Variants in MLLT3 observed in about 807,000 individuals in gnomAD.
MLLT3 encodes protein AF-9.
Under a neutral mutation model 53.2 loss-of-function variants are expected in MLLT3, and 4 were observed. The ratio of observed to expected loss-of-function variants is 0.08; its 90% CI spans 0.04 to 0.17. The LOEUF (loss-of-function observed/expected upper bound fraction) is 0.17. MLLT3 is among the 10% of genes least tolerant of loss of function. MLLT3 has a pLI of 1.00. For missense variants in MLLT3, 569 were observed against 684.0 expected (o/e 0.83, Z 1.87); for synonymous variants, 283 against 230.6 (o/e 1.23, Z -2.06).
intron 2 of MLLT3, among the ~76,000 whole-genome samples, chr9:20,570,346 C>A (rs555951715): frequency 6.6e-6 from 1 of 152,278 alleles, no homozygotes; most frequent in Non-Finnish European, 1.5e-5. Flanking sequence ...TAAACAACAA[C>A]AGCAGAGTCA....
intron 2 of MLLT3, among the ~76,000 whole-genome samples, chr9:20,469,295 G>A (rs907499771): frequency 6.6e-6 from 1 of 152,070 alleles, no homozygotes; most frequent in East Asian, 1.9e-4. Context: ...GAAATATCAT[G>A]CCTTTAAAAT....
intron 2 of MLLT3, among the ~76,000 whole-genome samples, chr9:20,501,261 T>G (rs1420209546): frequency 6.6e-6 from 1 of 152,152 alleles, no homozygotes; most frequent in African/African-American, 2.4e-5. Context: ...GAAAATAAAT[T>G]CCACACAATA....
intron 2 of MLLT3, among the ~76,000 whole-genome samples, chr9:20,537,135 T>TA (rs906878453): frequency 6.6e-6 from 1 of 152,216 alleles, no homozygotes; most frequent in Non-Finnish European, 1.5e-5. Flanking sequence ...CATATACACT[T>TA]ACCTTTCTCT....
At position 20,622,413 on chromosome 9, in the gene MLLT3, CGCTT is replaced by C. The variant is rs1173493065; in HGVS notation, c.-161_-158del. 3 of 655,720 alleles carry C rather than the reference CGCTT, an allele frequency of 4.6e-6. No individual in the cohort carries two copies. In the African/African-American group the frequency reaches 5.6e-5, roughly 12 times the overall value. The allele number at this position is 655,720 out of a possible 1,614,324, so 40.6% of individuals were successfully genotyped here. A position where few individuals can be genotyped will look rare whatever the true frequency, so the allele number is the denominator to read the frequency against. On this transcript the variant is annotated 5_prime_UTR_variant, in exon 1 of 11. Coordinates refer to ENST00000380338, the MANE Select transcript of MLLT3 (RefSeq NM_004529.4). ...TTCTCTGCCTTTTTCCCCCCGCGCT[CGCTT>C]GCTCGCTCGCTCGCTTATTAAACTC... is the stretch of plus-strand genomic sequence containing the variant.
intron 2 of MLLT3, among the ~76,000 whole-genome samples, chr9:20,503,812 G>A (rs1372915818): frequency 6.6e-6 from 1 of 152,072 alleles, no homozygotes; most frequent in Non-Finnish European, 1.5e-5. Context: ...TCTGATAAAA[G>A]ACTAATATCC....
chr9:20,388,340 G>C (rs549982974), intron 5 of MLLT3, among the ~76,000 whole-genome samples: 23 of 152,176 alleles, frequency 1.5e-4, no homozygotes, highest in Non-Finnish European at 2.5e-4. Context: ...TGTAGTCCCA[G>C]AACTTTAGGA....
chr9:20,577,687 G>C (rs187680269), intron 2 of MLLT3, among the ~76,000 whole-genome samples: 2 of 152,130 alleles, frequency 1.3e-5, no homozygotes, highest in African/African-American at 4.8e-5. Flanking sequence ...TGACAGATTC[G>C]AAAGGTAGAA....
At chr9:20,534,650 G>A (rs1157327098) in intron 2 of MLLT3, among the ~76,000 whole-genome samples, 3 of 152,156 alleles carry the variant, frequency 2.0e-5, no homozygotes, top group South Asian at 4.1e-4. Flanking sequence ...ACTTTGGGAC[G>A]CCAAGGCGGG....
chr9:20,511,205 A>G (rs981682826), intron 2 of MLLT3, among the ~76,000 whole-genome samples: 7 of 152,190 alleles, frequency 4.6e-5, no homozygotes, highest in Admixed American at 3.9e-4. Flanking sequence ...AAGGATGCTT[A>G]TTAATTTCTG....
At chr9:20,393,679 T>C (rs1015701647) in intron 5 of MLLT3, among the ~76,000 whole-genome samples, 1 of 152,230 alleles carries the variant, frequency 6.6e-6, no homozygotes, top group Non-Finnish European at 1.5e-5. Flanking sequence ...ATAACCACTT[T>C]TTATTGCGTG....
chr9:20,350,292 A>G (rs1361333926), intron 10 of MLLT3, among the ~76,000 whole-genome samples: 1 of 152,178 alleles, frequency 6.6e-6, no homozygotes, highest in Non-Finnish European at 1.5e-5. Flanking sequence ...AGATAGAGTG[A>G]CTGCAGATAA....
chr9:20,514,065 G>C (rs1054630617), intron 2 of MLLT3, among the ~76,000 whole-genome samples: 4 of 152,208 alleles, frequency 2.6e-5, no homozygotes, highest in African/African-American at 7.2e-5. Flanking sequence ...CCCCTAGGGA[G>C]TAAGGGGTTG....
intron 5 of MLLT3, among the ~76,000 whole-genome samples, chr9:20,406,093 C>A (rs1423883847): frequency 6.6e-6 from 1 of 151,726 alleles, no homozygotes; most frequent in South Asian, 2.1e-4. Flanking sequence ...GCCTGGATAA[C>A]AGAGTGAGAC....
intron 5 of MLLT3, among the ~76,000 whole-genome samples, chr9:20,395,914 G>A (rs998669229): frequency 6.6e-6 from 1 of 152,078 alleles, no homozygotes; most frequent in Non-Finnish European, 1.5e-5. Flanking sequence ...GGAAACCATC[G>A]GTAACAACTG....
chr9:20,608,517 A>G lies in MLLT3; in HGVS notation c.193+12137T>C, dbSNP rs555442265. The stretch of plus-strand genomic sequence containing the variant: ...AAATCAGGTTAATCTCATTACTTTT[A>G]TAACTTCAATACAAAATGTTAAGAA... On this transcript the variant is annotated intron_variant, in intron 2 of 10. Transcript: ENST00000380338. Among the ~76,000 whole-genome samples, 5 of 152,066 alleles carry G rather than the reference A, an allele frequency of 3.3e-5. No homozygotes were observed. The South Asian group carries it at 1.0e-3, about 31-fold the overall frequency.
chr9:20,343,183 C>CAAAAAAAAAAAAAAAAAAAAAA lies in MLLT3; in HGVS notation c.*3238_*3259dup, dbSNP rs71334526. 8 of 40,134 alleles carry CAAAAAAAAAAAAAAAAAAAAAA rather than the reference C, an allele frequency of 2.0e-4. No individual in the cohort carries two copies. The highest frequency in any genetic ancestry group is 1.0e-3 in the African/African-American group (8 of 7,828). The allele number at this position is 40,134 out of a possible 1,614,324, so 2.5% of individuals were successfully genotyped here. On this transcript the variant is annotated 3_prime_UTR_variant, in exon 11 of 11. Transcript: ENST00000380338. ...TAGGTGGGCCTGTAAAAGATATCGG[C>CAAAAAAAAAAAAAAAAAAAAAA]AAAAAAAAAAAAAAAAAAAAAAAAA...
intron 2 of MLLT3, among the ~76,000 whole-genome samples, chr9:20,613,256 C>T (rs956556113): frequency 2.6e-5 from 4 of 152,128 alleles, no homozygotes; most frequent in Non-Finnish European, 5.9e-5. Flanking sequence ...AAACCACAGA[C>T]TTGCACACTT....
At chr9:20,403,117 TAAA>T in intron 5 of MLLT3, among the ~76,000 whole-genome samples, 1 of 144,068 alleles carries the variant, frequency 6.9e-6, no homozygotes, top group South Asian at 2.2e-4. Flanking sequence ...GGCCCCCTTT[TAAA>T]AAAAAAAAAA....
intron 2 of MLLT3, among the ~76,000 whole-genome samples, chr9:20,485,325 T>C (rs1339241552): frequency 6.6e-6 from 1 of 152,146 alleles, no homozygotes; most frequent in African/African-American, 2.4e-5. Context: ...AGCAAGAGCA[T>C]ATTCAAGTCT....
Sources: gnomAD v4.1 joint callset for allele counts (sites outside exome capture counted in the v4.1 genomes callset) on GRCh38, gnomAD v4.1.1 for gene constraint, MANE v1.5 for transcripts, NCBI Gene and HGNC (gene_info 2026-07-23, HGNC 2026-07-21) for gene names.